DCDC2: variants seen among roughly 807,000 people sequenced by gnomAD.
DCDC2 encodes doublecortin domain-containing protein 2.
Under a neutral mutation model 50.2 loss-of-function variants are expected in DCDC2, and 40 were observed. The ratio of observed to expected loss-of-function variants is 0.80; its 90% CI spans 0.62 to 1.04. DCDC2 has a LOEUF of 1.04. Ranked by LOEUF, DCDC2 falls within the 50% of genes least tolerant of loss-of-function variation. The pLI, the probability that DCDC2 is intolerant of heterozygous loss-of-function variation, is 0.00. For missense variants in DCDC2, 570 were observed against 581.9 expected (o/e 0.98, Z 0.21); for synonymous variants, 234 against 210.6 (o/e 1.11, Z -0.96).
intron 8 of DCDC2, among the ~76,000 whole-genome samples, chr6:24,201,443 T>G (rs928768924): frequency 6.6e-6 from 1 of 152,038 alleles, no homozygotes; most frequent in African/African-American, 2.4e-5. Flanking sequence ...AAATAAGCAA[T>G]TTGAAACCAA....
At chr6:24,328,092 A>G (rs1337957360) in intron 2 of DCDC2, among the ~76,000 whole-genome samples, 2 of 152,242 alleles carry the variant, frequency 1.3e-5, no homozygotes, top group Admixed American at 1.3e-4. Flanking sequence ...TGTCCGAGAT[A>G]TCTAATAAAT....
At chr6:24,250,507 A>G (rs1762774291) in intron 7 of DCDC2, among the ~76,000 whole-genome samples, 1 of 152,238 alleles carries the variant, frequency 6.6e-6, no homozygotes, top group Non-Finnish European at 1.5e-5. Context: ...TTCTGAACAT[A>G]CATATATTCT....
chr6:24,271,511 C>T (rs993470523), intron 7 of DCDC2, among the ~76,000 whole-genome samples: 3 of 152,120 alleles, frequency 2.0e-5, no homozygotes, highest in African/African-American at 4.8e-5. Context: ...TCAGTGTCCC[C>T]ACCCGAGTAA....
chr6:24,291,421 T>C (rs1426219489), intron 4 of DCDC2, among the ~76,000 whole-genome samples: 2 of 151,994 alleles, frequency 1.3e-5, no homozygotes, highest in African/African-American at 4.8e-5. Context: ...CACAGTGCTT[T>C]AAATAAAGCT....
At chr6:24,233,177 T>C (rs918162484) in intron 7 of DCDC2, among the ~76,000 whole-genome samples, 1 of 152,226 alleles carries the variant, frequency 6.6e-6, no homozygotes, top group African/African-American at 2.4e-5. Context: ...AGTTTAGGTA[T>C]ACTGTTAGGT....
Position 24,244,293 on chromosome 6 carries a change from G to A in DCDC2, c.922+33756C>T, listed in dbSNP as rs73394039. 4.4e-3 allele frequency among the ~76,000 whole-genome samples: 675 copies of A among 152,272 alleles called. 5 individuals are homozygous for A. The highest frequency in any genetic ancestry group is 0.014 in the African/African-American group (601 of 41,550). The stretch of plus-strand genomic sequence containing the variant: ...TCAAATGAAAATAGGACTATAAAAC[G>A]ATATGGAACCAAGAAGCCTAATCAA... On this transcript the variant is annotated intron_variant, in intron 7 of 9. Coordinates refer to ENST00000378454, the MANE Select transcript of DCDC2 (RefSeq NM_016356.5).
At position 24,231,391 on chromosome 6, in the gene DCDC2, C is replaced by T. The variant is rs113802729; in HGVS notation, c.923-26289G>A. Among the ~76,000 whole-genome samples, 509 of 152,252 alleles carry T rather than the reference C, an allele frequency of 3.3e-3. 4 individuals carry two copies. Among genetic ancestry groups the T allele is most frequent in the African/African-American group, 0.012 (478 of 41,542 alleles). On this transcript the variant is annotated intron_variant, in intron 7 of 9. Coordinates refer to ENST00000378454, the MANE Select transcript of DCDC2 (RefSeq NM_016356.5). ...CCAGGAGCTCTGGTTGCAGGAGACC[C>T]ATGAAGAAGGAAAAGGTATCAGGCC...
At chr6:24,282,174 T>C (rs807719) in intron 6 of DCDC2, among the ~76,000 whole-genome samples, 151,259 of 152,284 alleles carry the variant, frequency 0.99, 75,126 homozygotes, top group Middle Eastern at 1. Flanking sequence ...GAATACCAAA[T>C]CTCTGGCTCA....
At chr6:24,287,632 C>T (rs1473667659) in intron 6 of DCDC2, among the ~76,000 whole-genome samples, 3 of 152,190 alleles carry the variant, frequency 2.0e-5, no homozygotes, top group Non-Finnish European at 4.4e-5. Flanking sequence ...ACTGCTTCTT[C>T]GCATGCCCAC....
At chr6:24,242,961 CAA>C (rs11298638) in intron 7 of DCDC2, among the ~76,000 whole-genome samples, 10 of 147,966 alleles carry the variant, frequency 6.8e-5, no homozygotes, top group African/African-American at 1.0e-4. Flanking sequence ...GATCTCATCT[CAA>C]AAAAAAAAAG....
intron 2 of DCDC2, among the ~76,000 whole-genome samples, chr6:24,352,374 C>T (rs1206905071): frequency 6.6e-6 from 1 of 152,136 alleles, no homozygotes; most frequent in Non-Finnish European, 1.5e-5. Context: ...TTTATTACTA[C>T]TCTACTTGAG....
intron 6 of DCDC2, among the ~76,000 whole-genome samples, chr6:24,284,767 T>C (rs1318500970): frequency 6.6e-6 from 1 of 152,148 alleles, no homozygotes; most frequent in Non-Finnish European, 1.5e-5. Flanking sequence ...CGGCCTTCTT[T>C]CTGCCCTCCT....
At chr6:24,321,850 C>A (rs1353457150) in intron 2 of DCDC2, among the ~76,000 whole-genome samples, 2 of 152,144 alleles carry the variant, frequency 1.3e-5, no homozygotes, top group East Asian at 3.9e-4. Flanking sequence ...CAAATGGTCA[C>A]CCCAAATACC....
chr6:24,220,879 A>AGAGCGAGAGAGCGAGCGAGC lies in DCDC2; in HGVS notation c.923-15778_923-15777insGCTCGCTCGCTCTCTCGCTC. Among the ~76,000 whole-genome samples the AGAGCGAGAGAGCGAGCGAGC allele has an allele frequency of 2.5e-3, 266 of 106,978 alleles. 4 individuals carry two copies. The highest frequency in any genetic ancestry group is 4.4e-3 in the Middle Eastern group (1 of 226). 70.2% of individuals were successfully genotyped at this position (106,978 alleles called of 152,430 possible). A position where few individuals can be genotyped will look rare whatever the true frequency, so the allele number is the denominator to read the frequency against. On this transcript the variant is annotated intron_variant, in intron 7 of 9. Transcript: ENST00000378454. ...GAGAGAGACAGAGAGCAAGAGAGCG[A>AGAGCGAGAGAGCGAGCGAGC]GAGCGAGAGAGTGAGCGAGCGAGCG...
chr6:24,271,691 T>C (rs1763242040), intron 7 of DCDC2, among the ~76,000 whole-genome samples: 1 of 152,122 alleles, frequency 6.6e-6, no homozygotes, highest in African/African-American at 2.4e-5. Flanking sequence ...TCCTCATTTG[T>C]TTTCCCACTG....
At chr6:24,382,005 A>AGGCAGGCAGGC in the DCDC2 span, among the ~76,000 whole-genome samples, 1,344 of 103,848 alleles carry the variant, frequency 0.013, 17 homozygotes, top group South Asian at 0.055. Context: ...GGAAGGAAGG[A>AGGCAGGCAGGC]AGGAAGGCAG....
chr6:24,271,224 A>AG (rs1554115081), intron 7 of DCDC2, among the ~76,000 whole-genome samples: 5 of 143,026 alleles, frequency 3.5e-5, no homozygotes, highest in African/African-American at 1.3e-4. Context: ...AAAAAAAAAA[A>AG]AGAGAGAGAG....
chr6:24,245,881 T>C (rs774617165), intron 7 of DCDC2, among the ~76,000 whole-genome samples: 2 of 152,368 alleles, frequency 1.3e-5, no homozygotes, highest in African/African-American at 4.8e-5. Context: ...AAAAATATTG[T>C]CATTGAAATT....
At chr6:24,378,533 T>A in the DCDC2 span, among the ~76,000 whole-genome samples, 1 of 152,126 alleles carries the variant, frequency 6.6e-6, no homozygotes, top group Admixed American at 6.5e-5. Context: ...AGCTCCCATG[T>A]GGAATAAAGT....
Sources: gnomAD v4.1 joint callset for allele counts (sites outside exome capture counted in the v4.1 genomes callset) on GRCh38, gnomAD v4.1.1 for gene constraint, MANE v1.5 for transcripts, NCBI Gene and HGNC (gene_info 2026-07-23, HGNC 2026-07-21) for gene names.